Variants in DYNC1I1 observed in about 807,000 individuals in gnomAD.
The protein encoded by DYNC1I1 is cytoplasmic dynein 1 intermediate chain 1.
Under a neutral mutation model 86.6 loss-of-function variants are expected in DYNC1I1, and 43 were observed. The observed-to-expected ratio is 0.50, with a 90% CI of 0.39 to 0.64. The LOEUF is 0.64. Ranked by LOEUF, DYNC1I1 falls within the 30% of genes least tolerant of loss-of-function variation. The probability of loss-of-function intolerance (pLI) is 0.00; values close to 1 mark genes in which losing one functional copy is unlikely to be tolerated. For missense variants in DYNC1I1, 604 were observed against 788.8 expected (o/e 0.77, Z 2.81); for synonymous variants, 262 against 283.7 (o/e 0.92, Z 0.77).
chr7:96,106,164 T>C (rs1791210517), intron 16 of DYNC1I1, among the ~76,000 whole-genome samples: 1 of 152,182 alleles, frequency 6.6e-6, no homozygotes. Context: ...TTTGCTCTCT[T>C]TTTTTCCTTC....
At chr7:96,051,736 T>C (rs540119237) in intron 14 of DYNC1I1, among the ~76,000 whole-genome samples, 1 of 152,336 alleles carries the variant, frequency 6.6e-6, no homozygotes, top group South Asian at 2.1e-4. Context: ...TATTTCACTT[T>C]TACATCCTCT....
At chr7:95,850,566 T>G (rs2116063985) in intron 5 of DYNC1I1, among the ~76,000 whole-genome samples, 1 of 152,302 alleles carries the variant, frequency 6.6e-6, no homozygotes, top group African/African-American at 2.4e-5. Flanking sequence ...CTGAGCCCAA[T>G]TACCAGTCAG....
intron 14 of DYNC1I1, among the ~76,000 whole-genome samples, chr7:96,052,791 G>A (rs145625906): frequency 2.3e-4 from 35 of 152,276 alleles, no homozygotes; most frequent in African/African-American, 8.2e-4. Flanking sequence ...AGGCAGCCTT[G>A]TGATGCCATG....
At chr7:96,065,649 A>G (rs1789956004) in intron 14 of DYNC1I1, among the ~76,000 whole-genome samples, 1 of 151,994 alleles carries the variant, frequency 6.6e-6, no homozygotes, top group Non-Finnish European at 1.5e-5. Flanking sequence ...TGGTCTCCCA[A>G]AGCGCTGAGA....
chr7:95,950,892 A>G (rs927247950), intron 6 of DYNC1I1, among the ~76,000 whole-genome samples: 3 of 152,206 alleles, frequency 2.0e-5, no homozygotes, highest in African/African-American at 7.2e-5. Context: ...TCACCTCTAC[A>G]TTAGGGTATG....
chr7:95,790,992 A>T (rs1235325788), intron 1 of DYNC1I1, among the ~76,000 whole-genome samples: 1 of 152,238 alleles, frequency 6.6e-6, no homozygotes, highest in African/African-American at 2.4e-5. Flanking sequence ...TAAATTTGAG[A>T]GAGAATTAAG....
intron 16 of DYNC1I1, among the ~76,000 whole-genome samples, chr7:96,107,777 C>T (rs1212905764): frequency 4.6e-5 from 7 of 151,774 alleles, no homozygotes; most frequent in African/African-American, 1.2e-4. Context: ...CCACCTGCCT[C>T]GGCCTCCCAA....
At chr7:95,968,822 C>CTGTGTGTG (rs1491236339) in intron 6 of DYNC1I1, among the ~76,000 whole-genome samples, 3 of 133,632 alleles carry the variant, frequency 2.2e-5, no homozygotes, top group East Asian at 4.5e-4. Flanking sequence ...GAATTTTTTG[C>CTGTGTGTG]TCTGTGTGTG....
chr7:95,811,060 G>A (rs1794820139), intron 3 of DYNC1I1, among the ~76,000 whole-genome samples: 1 of 152,098 alleles, frequency 6.6e-6, no homozygotes, highest in Non-Finnish European at 1.5e-5. Context: ...ATTACTAATT[G>A]GCATTTTCAC....
At chr7:96,008,926 C>G (rs1409886660) in intron 10 of DYNC1I1, among the ~76,000 whole-genome samples, 1 of 152,106 alleles carries the variant, frequency 6.6e-6, no homozygotes, top group Non-Finnish European at 1.5e-5. Context: ...GCTTCAAATA[C>G]TTGATTTAAA....
chr7:96,035,513 C>T lies in DYNC1I1; in HGVS notation c.1231-106C>T, dbSNP rs1302973221. On this transcript the variant is annotated intron_variant, in intron 12 of 16. Coordinates refer to ENST00000447467, the MANE Select transcript of DYNC1I1 (RefSeq NM_001135556.2). ...GGCACAGCCGGGGTCTTTTGTAACGCTGTGTGAAAAGCAAACACATGATTT... is the reference window on the plus strand; with the variant it reads ...GGCACAGCCGGGGTCTTTTGTAACGTTGTGTGAAAAGCAAACACATGATTT... 2.1e-6 allele frequency: 3 copies of T among 1,424,692 alleles called. No individual in the cohort carries two copies. In the African/African-American group the frequency reaches 4.4e-5, roughly 21 times the overall value. 88.3% of individuals were successfully genotyped at this position (1,424,692 alleles called of 1,614,324 possible).
chr7:96,057,681 C>G (rs1459928007), intron 14 of DYNC1I1, among the ~76,000 whole-genome samples: 1 of 152,116 alleles, frequency 6.6e-6, no homozygotes. Flanking sequence ...TCCCTCTTTT[C>G]CACTGAGCTG....
intron 6 of DYNC1I1, among the ~76,000 whole-genome samples, chr7:95,962,361 T>TA (rs1792893409): frequency 6.6e-6 from 1 of 152,228 alleles, no homozygotes; most frequent in Non-Finnish European, 1.5e-5. Context: ...TTAGATGCTT[T>TA]ATGCTCCTCA....
At chr7:96,091,247 A>C (rs1790835794) in intron 16 of DYNC1I1, among the ~76,000 whole-genome samples, 1 of 152,212 alleles carries the variant, frequency 6.6e-6, no homozygotes, top group South Asian at 2.1e-4. Context: ...ATGCATTAAA[A>C]AATAATGTGT....
chr7:95,836,420 T>C (rs1789093061), intron 5 of DYNC1I1, among the ~76,000 whole-genome samples: 1 of 151,388 alleles, frequency 6.6e-6, no homozygotes, highest in Non-Finnish European at 1.5e-5. Context: ...TCATTTCAAC[T>C]TTGGTGAATC....
intron 6 of DYNC1I1, among the ~76,000 whole-genome samples, chr7:95,921,122 T>C (rs184683817): frequency 3.9e-5 from 6 of 152,208 alleles, no homozygotes; most frequent in African/African-American, 1.2e-4. Context: ...GACATGACAT[T>C]GTATTTTCTT....
At chr7:95,802,221 C>CT (rs2115781845) in intron 1 of DYNC1I1, among the ~76,000 whole-genome samples, 1 of 152,182 alleles carries the variant, frequency 6.6e-6, no homozygotes, top group South Asian at 2.1e-4. Context: ...TCCTCTTTGC[C>CT]TTTTCTTCCT....
intron 15 of DYNC1I1, 41 bp from the exon 16 acceptor site, chr7:96,080,322 T>C (rs1250991825): frequency 1.3e-6 from 2 of 1,531,620 alleles, no homozygotes; most frequent in Middle Eastern, 1.8e-4. Flanking sequence ...TTTAAATTCA[T>C]ATTCAGAGAT....
At chr7:95,960,197 C>T (rs1485558523) in intron 6 of DYNC1I1, among the ~76,000 whole-genome samples, 1 of 152,188 alleles carries the variant, frequency 6.6e-6, no homozygotes, top group Non-Finnish European at 1.5e-5. Context: ...ACCTCCGCCT[C>T]CTGGGTTTAA....
Sources: gnomAD v4.1 joint callset for allele counts (sites outside exome capture counted in the v4.1 genomes callset) on GRCh38, gnomAD v4.1.1 for gene constraint, MANE v1.5 for transcripts, NCBI Gene and HGNC (gene_info 2026-07-23, HGNC 2026-07-21) for gene names.